BLM: variants seen among roughly 807,000 people sequenced by gnomAD.
The protein encoded by BLM is recQ-like DNA helicase BLM.
A neutral mutation model predicts 135.3 loss-of-function variants in BLM; 95 were observed. That is an observed-to-expected ratio of 0.70 (90% CI 0.59 to 0.83). The LOEUF is 0.83. Among genes scored for constraint, BLM ranks in the 40% least tolerant of loss-of-function variants. BLM has a pLI of 0.00. For missense variants in BLM, 1,518 were observed against 1,663.9 expected, an observed-to-expected ratio of 0.91 and a Z score of 1.53; for synonymous variants, 520 against 589.2, an observed-to-expected ratio of 0.88 and a Z score of 1.70.
intron 3 of BLM, among the ~76,000 whole-genome samples, chr15:90,751,392 C>G (rs186998130): frequency 2.0e-5 from 3 of 152,168 alleles, no homozygotes; most frequent in Admixed American, 1.3e-4. Context: ...AACTGGGAAA[C>G]TTTGTGTTAA....
At position 90,769,547 on chromosome 15, in the gene BLM, A is replaced by G. The variant is rs756815062; in HGVS notation, c.2516A>G (p.Lys839Arg). 2.4e-5 allele frequency: 39 copies of G among 1,613,992 alleles called. No individual in the cohort carries two copies. The highest frequency in any genetic ancestry group is 3.3e-5 in the Non-Finnish European group (39 of 1,179,990). Residue 839 changes from lysine to arginine, a missense_variant, in exon 12 of 22, where the codon AAG becomes AGG. This residue lies in a region of BLM where 626 missense variants were observed against 681.1 expected (regional missense o/e 0.92). Coordinates refer to ENST00000355112, the MANE Select transcript of BLM (RefSeq NM_000057.4). Reference protein sequence around the residue: ...LTATANPRVQKDILTQLKILR... With the variant: ...LTATANPRVQRDILTQLKILR... ...GCCACAGCTAATCCCAGGGTACAGA[A>G]GGACATCCTGACTCAGCTGAAGATT...
chr15:90,792,607 G>A (rs925618910), intron 15 of BLM, among the ~76,000 whole-genome samples: 1 of 152,158 alleles, frequency 6.6e-6, no homozygotes, highest in Non-Finnish European at 1.5e-5. Flanking sequence ...TATGGCAGGA[G>A]CAATAAGAGT....
chr15:90,742,604 CTCTT>C (rs1222988600), intron 1 of BLM, among the ~76,000 whole-genome samples: 1 of 151,932 alleles, frequency 6.6e-6, no homozygotes, highest in Non-Finnish European at 1.5e-5. Context: ...CTCTCTCTCT[CTCTT>C]TTTTTTTTAA....
At chr15:90,807,507 C>T (rs1395169098) in intron 19 of BLM, among the ~76,000 whole-genome samples, 3 of 152,122 alleles carry the variant, frequency 2.0e-5, no homozygotes. Context: ...TCAAGTGATC[C>T]TCCTACCCCA....
intron 19 of BLM, among the ~76,000 whole-genome samples, chr15:90,807,911 T>C (rs1346942746): frequency 1.3e-5 from 2 of 152,206 alleles, no homozygotes; most frequent in Non-Finnish European, 2.9e-5. Flanking sequence ...CTCACAAGCA[T>C]GAGCAGTAAC....
intron 14 of BLM, 187 bp from the exon 15 acceptor site, chr15:90,790,462 G>C (rs1310549343): frequency 4.8e-6 from 3 of 618,636 alleles, no homozygotes; most frequent in Admixed American, 2.9e-5. Flanking sequence ...TAATGGCATT[G>C]CAAGTTATCA....
intron 13 of BLM, among the ~76,000 whole-genome samples, chr15:90,783,855 C>T (rs1280287743): frequency 6.6e-6 from 1 of 152,130 alleles, no homozygotes; most frequent in Non-Finnish European, 1.5e-5. Flanking sequence ...CGTGCCACTG[C>T]ACTCCGGCCT....
At chr15:90,756,960 T>C (rs1177932792) in intron 5 of BLM, among the ~76,000 whole-genome samples, 1 of 152,228 alleles carries the variant, frequency 6.6e-6, no homozygotes, top group Non-Finnish European at 1.5e-5. Flanking sequence ...CCTTGCTGGG[T>C]AGTTGTCAGG....
Position 90,811,058 on chromosome 15 carries a change from G to A in BLM, c.3875-147G>A, listed in dbSNP as rs55723022. On this transcript the variant is annotated intron_variant, in intron 20 of 21. Coordinates refer to ENST00000355112, the MANE Select transcript of BLM (RefSeq NM_000057.4). ...GCTTTGTGCAGTAAAAAAAGGTTTGGTTCTTGCTGAATTGTTGAATCCATA... is the reference window on the plus strand; with the variant it reads ...GCTTTGTGCAGTAAAAAAAGGTTTGATTCTTGCTGAATTGTTGAATCCATA... 78 of 789,376 alleles carry A rather than the reference G, an allele frequency of 9.9e-5. No individual in the cohort carries two copies. In the African/African-American group the frequency reaches 1.3e-3, roughly 13 times the overall value. 48.9% of individuals were successfully genotyped at this position (789,376 alleles called of 1,614,324 possible).
intron 9 of BLM, among the ~76,000 whole-genome samples, chr15:90,765,752 C>A (rs577143394): frequency 1.3e-5 from 2 of 152,276 alleles, no homozygotes; most frequent in Admixed American, 6.5e-5. Context: ...ACATGCATGC[C>A]TGCACACATA....
At chr15:90,728,082 G>C (rs80150274) in intron 1 of BLM, among the ~76,000 whole-genome samples, 1,576 of 152,132 alleles carry the variant, frequency 0.01, 28 homozygotes, top group African/African-American at 0.035. Context: ...CTCTCACCCA[G>C]GCTAGAGCAA....
chr15:90,760,800 A>G lies in BLM; in HGVS notation c.1427A>G (p.Lys476Arg), dbSNP rs2151158198. The stretch of plus-strand genomic sequence containing the variant: ...TGTTTACTGACTACCACCCTAGGAA[A>G]GACAGGATTCTCTGCCACCAGGAAG... ...GDCLLTTTLGKTGFSATRKNL... is the reference protein window; with the variant it reads ...GDCLLTTTLGRTGFSATRKNL... Residue 476 changes from lysine (K) to arginine (R), a missense_variant, in exon 7 of 22, where the codon AAG becomes AGG. Transcript: ENST00000355112. 2.5e-6 allele frequency: 4 copies of G among 1,614,096 alleles called. No individual in the cohort carries two copies. Among genetic ancestry groups the G allele is most frequent in the Non-Finnish European group, 3.4e-6 (4 of 1,180,012 alleles).
intron 1 of BLM, among the ~76,000 whole-genome samples, chr15:90,740,323 A>T (rs1895332173): frequency 6.6e-6 from 1 of 152,230 alleles, no homozygotes; most frequent in Non-Finnish European, 1.5e-5. Context: ...TATAAATGGA[A>T]TCATACACTA....
chr15:90,813,391 G>A (rs1336352534), intron 21 of BLM, among the ~76,000 whole-genome samples: 1 of 152,064 alleles, frequency 6.6e-6, no homozygotes, highest in African/African-American at 2.4e-5. Flanking sequence ...TTTAAGATGG[G>A]ATTTGTTGTT....
intron 5 of BLM, among the ~76,000 whole-genome samples, chr15:90,757,966 C>T (rs1378509977): frequency 6.6e-6 from 1 of 151,582 alleles, no homozygotes; most frequent in Non-Finnish European, 1.5e-5. Flanking sequence ...ACTGCAACCT[C>T]TGCCTCCCAG....
Position 90,749,580 on chromosome 15 carries a change from A to G in BLM, c.312A>G (p.Ser104=), listed in dbSNP as rs2151147095. The G allele has an allele frequency of 6.2e-7, 1 of 1,614,218 alleles. No homozygotes were observed. Among genetic ancestry groups the G allele is most frequent in the Non-Finnish European group, 8.5e-7 (1 of 1,180,040 alleles). ...PAGQETQRGG[S]KSLLPDFLQT... Reference sequence around the variant, plus strand: ...GACAGGAAACACAGAGAGGTGGATCAAAATCATTATTGCCAGATTTCTTGC... The same window carrying G: ...GACAGGAAACACAGAGAGGTGGATCGAAATCATTATTGCCAGATTTCTTGC... The change falls in exon 3 of 22, where the codon TCA becomes TCG. Residue 104 remains serine, a synonymous_variant. Transcript: ENST00000355112.
In BLM at chr15:90,760,193, C is replaced by T. The variant is rs757896754; in HGVS notation, c.1134C>T (p.His378=). Residue 378 remains histidine, a synonymous_variant, in exon 6 of 22, where the codon CAC becomes CAT. Coordinates refer to ENST00000355112, the MANE Select transcript of BLM (RefSeq NM_000057.4). ...AGCAGCTTATTCATGTGATGGAGCACATCTGTAAATTAATTGATACTATTC... is the reference window on the plus strand; with the variant it reads ...AGCAGCTTATTCATGTGATGGAGCATATCTGTAAATTAATTGATACTATTC... ...LQQQLIHVME[H]ICKLIDTIPD... is the part of the protein sequence containing the mutation. 1.9e-5 allele frequency: 30 copies of T among 1,612,754 alleles called. No homozygotes were observed. Among genetic ancestry groups the T allele is most frequent in the Admixed American group, 3.3e-5 (2 of 59,964 alleles).
chr15:90,772,394 A>T (rs1338634284), intron 12 of BLM, among the ~76,000 whole-genome samples: 2 of 152,162 alleles, frequency 1.3e-5, no homozygotes, highest in African/African-American at 4.8e-5. Flanking sequence ...CATAGAGTTA[A>T]CTATAATAGA....
In BLM at chr15:90,749,735, A is replaced by G. The variant is rs772175681; in HGVS notation, c.467A>G (p.Asp156Gly). The G allele has an allele frequency of 5.0e-6, 8 of 1,614,204 alleles. No homozygotes were observed. The East Asian group carries it at 1.8e-4, about 36-fold the overall frequency. ...TTAAGTACCATCAATGATTGGGATG[A>G]TATGGATGACTTTGATACTTCTGAG... is the stretch of plus-strand genomic sequence containing the variant. ...DSLSTINDWD[D>G]MDDFDTSETS... The change falls in exon 3 of 22, where the codon GAT becomes GGT. Residue 156 changes from aspartate (D) to glycine (G), a missense_variant. Around this residue, in one of 5 missense-constraint regions of BLM, gnomAD observed 724 missense variants for 756.9 expected, o/e 0.96. Coordinates refer to ENST00000355112, the MANE Select transcript of BLM (RefSeq NM_000057.4).
Sources: gnomAD v4.1 joint callset for allele counts (sites outside exome capture counted in the v4.1 genomes callset) on GRCh38, gnomAD v4.1.1 for gene constraint, gnomAD v4.1.1 regional missense constraint, MANE v1.5 for transcripts, NCBI Gene and HGNC (gene_info 2026-07-23, HGNC 2026-07-21) for gene names.